The following PLCL2 variants were observed in gnomAD, a reference collection of about 807,000 sequenced individuals.
PLCL2 encodes the protein inactive phospholipase C-like protein 2.
PLCL2 carries 4 observed loss-of-function variants against 79.6 expected under a neutral mutation model. The ratio of observed to expected loss-of-function variants is 0.05; its 90% CI spans 0.02 to 0.11. The LOEUF is 0.11. Ranked by LOEUF, PLCL2 falls within the 10% of genes least tolerant of loss-of-function variation. PLCL2 has a pLI of 1.00. For synonymous variants in PLCL2, 484 were observed against 457.7 expected, an observed-to-expected ratio of 1.06 and a Z score of -0.73; for missense variants, 895 against 1,291.0, an observed-to-expected ratio of 0.69 and a Z score of 4.70.
intron 3 of PLCL2, among the ~76,000 whole-genome samples, chr3:17,042,162 A>T (rs551441327): frequency 6.6e-6 from 1 of 152,260 alleles, no homozygotes; most frequent in East Asian, 1.9e-4. Flanking sequence ...TTTCCTTTTC[A>T]TAGTGATTTT....
At chr3:16,923,531 C>A (rs1697173716) in intron 1 of PLCL2, among the ~76,000 whole-genome samples, 2 of 152,192 alleles carry the variant, frequency 1.3e-5, no homozygotes, top group African/African-American at 2.4e-5. Context: ...GAATTCTATT[C>A]TTTCAGACTT....
chr3:16,992,118 G>T (rs1575575177), intron 1 of PLCL2, among the ~76,000 whole-genome samples: 1 of 152,198 alleles, frequency 6.6e-6, no homozygotes, highest in East Asian at 1.9e-4. Flanking sequence ...GATGTCATAT[G>T]TGTGTAATAT....
chr3:16,913,105 A>G (rs923219280), intron 1 of PLCL2, among the ~76,000 whole-genome samples: 1 of 152,114 alleles, frequency 6.6e-6, no homozygotes, highest in Non-Finnish European at 1.5e-5. Context: ...CTGAAGCCCT[A>G]ACCTTCCTCT....
At chr3:16,926,247 C>T (rs972686360) in intron 1 of PLCL2, among the ~76,000 whole-genome samples, 4 of 152,076 alleles carry the variant, frequency 2.6e-5, no homozygotes, top group African/African-American at 9.7e-5. Context: ...CAAAAAAAGC[C>T]CATTATTCAT....
intron 3 of PLCL2, among the ~76,000 whole-genome samples, chr3:17,035,565 G>A (rs1034363706): frequency 1.3e-5 from 2 of 152,076 alleles, no homozygotes; most frequent in East Asian, 3.8e-4. Context: ...GCCCCCACCT[G>A]CTTCCTGTTC....
At chr3:16,932,777 T>G (rs1185845677) in intron 1 of PLCL2, among the ~76,000 whole-genome samples, 1 of 152,152 alleles carries the variant, frequency 6.6e-6, no homozygotes, top group Non-Finnish European at 1.5e-5. Flanking sequence ...TACAACTTAT[T>G]AGTTGTAGAT....
At chr3:16,900,720 G>A (rs1696597657) in intron 1 of PLCL2, among the ~76,000 whole-genome samples, 1 of 152,140 alleles carries the variant, frequency 6.6e-6, no homozygotes, top group Non-Finnish European at 1.5e-5. Context: ...CCCGTTCGGT[G>A]GACATCATCA....
At chr3:16,938,512 T>C (rs760128023) in intron 1 of PLCL2, among the ~76,000 whole-genome samples, 2 of 152,216 alleles carry the variant, frequency 1.3e-5, no homozygotes, top group Non-Finnish European at 2.9e-5. Flanking sequence ...GGGAAGACAG[T>C]ACACTTATGG....
intron 1 of PLCL2, among the ~76,000 whole-genome samples, chr3:16,976,955 C>T (rs2063932946): frequency 6.6e-6 from 1 of 152,134 alleles, no homozygotes; most frequent in Non-Finnish European, 1.5e-5. Flanking sequence ...ATGAAAACAC[C>T]TTAAGGATAG....
At chr3:17,047,646 C>T (rs1461624720) in intron 4 of PLCL2, among the ~76,000 whole-genome samples, 1 of 152,138 alleles carries the variant, frequency 6.6e-6, no homozygotes, top group Admixed American at 6.5e-5. Context: ...TTATCCATCC[C>T]TGCTTTCTTA....
chr3:16,902,318 C>A (rs569519130), intron 1 of PLCL2, among the ~76,000 whole-genome samples: 1 of 152,106 alleles, frequency 6.6e-6, no homozygotes, highest in Admixed American at 6.5e-5. Flanking sequence ...TAAGAGAGTG[C>A]ATTTACCTTT....
At position 16,885,122 on chromosome 3, in the gene PLCL2, T is replaced by A. The variant is rs1696180061; in HGVS notation, c.83T>A (p.Leu28Gln). 2 of 469,242 alleles carry A rather than the reference T, an allele frequency of 4.3e-6. No individual in the cohort carries two copies. Among genetic ancestry groups the A allele is most frequent in the Non-Finnish European group, 7.6e-6 (2 of 264,388 alleles). The allele number at this position is 469,242 out of a possible 1,614,324, so 29.1% of individuals were successfully genotyped here. A position where few individuals can be genotyped will look rare whatever the true frequency, so the allele number is the denominator to read the frequency against. ...CCGGCCCTCGGCGCCAAGGGCGCCC[T>A]GAAAGCCGGAGTGGGGGAAGGCGGT... is the stretch of plus-strand genomic sequence containing the variant. ...PGPALGAKGA[L>Q]KAGVGEGGGG... Residue 28 changes from leucine (L) to glutamine (Q), a missense_variant, in exon 1 of 6, where the codon CTG (leucine) becomes CAG (glutamine). Transcript: ENST00000615277.
intron 4 of PLCL2, among the ~76,000 whole-genome samples, chr3:17,045,645 CAG>C (rs1308043776): frequency 1.3e-5 from 2 of 152,116 alleles, no homozygotes; most frequent in African/African-American, 4.8e-5. Context: ...TGCAGTGACA[CAG>C]AGAGTTGGGG....
intron 4 of PLCL2, among the ~76,000 whole-genome samples, chr3:17,060,889 T>C (rs2064945630): frequency 6.6e-6 from 1 of 152,178 alleles, no homozygotes; most frequent in Non-Finnish European, 1.5e-5. Flanking sequence ...TAAAAGATTT[T>C]AGCTTTTGCT....
At position 16,897,723 on chromosome 3, in the gene PLCL2, T is replaced by C. The variant is rs139527934; in HGVS notation, c.327+12357T>C. ...CCCGAGGGTGGGCTGACATCTGGGT[T>C]GGCACGTCATGACCTTTGCGTGAAT... On this transcript the variant is annotated intron_variant, in intron 1 of 5. Transcript: ENST00000615277. 1.7e-3 allele frequency among the ~76,000 whole-genome samples: 253 copies of C among 152,348 alleles called. 1 individual carries two copies. The highest frequency in any genetic ancestry group is 4.4e-3 in the Admixed American group (67 of 15,304).
intron 1 of PLCL2, among the ~76,000 whole-genome samples, chr3:16,921,123 A>C (rs1697115730): frequency 6.6e-6 from 1 of 152,218 alleles, no homozygotes; most frequent in South Asian, 2.1e-4. Flanking sequence ...GGCATGGAGC[A>C]AAGCTCTCAG....
intron 1 of PLCL2, among the ~76,000 whole-genome samples, chr3:16,888,813 G>C (rs1457052810): frequency 1.3e-5 from 2 of 152,194 alleles, no homozygotes; most frequent in Non-Finnish European, 2.9e-5. Flanking sequence ...GTCTATTGCT[G>C]TGGATGATTT....
In PLCL2 at chr3:17,090,339, A is replaced by G. The variant is rs2065260334; in HGVS notation, c.*427A>G. 5 of 819,554 alleles carry G rather than the reference A, an allele frequency of 6.1e-6. No homozygotes were observed. The highest frequency in any genetic ancestry group is 7.4e-6 in the Non-Finnish European group (5 of 678,518). The allele number at this position is 819,554 out of a possible 1,614,324, so 50.8% of individuals were successfully genotyped here. ...GGGGTTGCCAGAGTCTCTGGGTTCT[A>G]GATGATTTTGGTGGCATGCTTGCTG... On this transcript the variant is annotated 3_prime_UTR_variant, in exon 6 of 6. Coordinates refer to ENST00000615277, the MANE Select transcript of PLCL2 (RefSeq NM_001144382.2).
chr3:17,054,805 TGTTTCTCAGCTC>T, intron 4 of PLCL2, among the ~76,000 whole-genome samples: 1 of 152,162 alleles, frequency 6.6e-6, no homozygotes, highest in East Asian at 1.9e-4. Flanking sequence ...TATGTCAGAA[TGTTTCTCAGCTC>T]TGTTTTACAG....
Sources: gnomAD v4.1 joint callset for allele counts (sites outside exome capture counted in the v4.1 genomes callset) on GRCh38, gnomAD v4.1.1 for gene constraint, MANE v1.5 for transcripts, NCBI Gene and HGNC (gene_info 2026-07-23, HGNC 2026-07-21) for gene names.